The following LUC7L3 variants were observed in gnomAD, a reference collection of about 807,000 sequenced individuals.
The protein encoded by LUC7L3 is LUC7 like 3 pre-mRNA splicing factor.
LUC7L3 carries 6 observed loss-of-function variants against 66.8 expected under a neutral mutation model. The observed-to-expected ratio is 0.09, with a 90% confidence interval of 0.05 to 0.18. LUC7L3 has a LOEUF of 0.18. Among genes scored for constraint, LUC7L3 ranks in the 10% least tolerant of loss-of-function variants. LUC7L3 has a pLI of 1.00. For synonymous variants in LUC7L3, 160 were observed against 174.7 expected (o/e 0.92, Z 0.66); for missense variants, 341 against 531.1 (o/e 0.64, Z 3.52).
At chr17:50,723,600 T>A (rs1968939162) in intron 1 of LUC7L3, 1 of 158,922 alleles carries the variant, frequency 6.3e-6, no homozygotes. Context: ...CATAGTAACT[T>A]ACTATGTTAC....
Position 50,735,703 on chromosome 17 carries a change from G to T in LUC7L3, c.100-1257G>T, listed in dbSNP as rs1969939547. Among the ~76,000 whole-genome samples, 4 of 151,958 alleles carry T rather than the reference G, an allele frequency of 2.6e-5. No homozygotes were observed. In the South Asian group the frequency reaches 8.3e-4, roughly 32 times the overall value. ...TATAGACATGGGGTTTTGCCATGTTGCCCAAGCCGGTCTCAAATTCCTGGG... is the reference window on the plus strand; with the variant it reads ...TATAGACATGGGGTTTTGCCATGTTTCCCAAGCCGGTCTCAAATTCCTGGG... On this transcript the variant is annotated intron_variant, in intron 1 of 9. Transcript: ENST00000505658.
chr17:50,724,062 G>C lies in LUC7L3; in HGVS notation c.99+4231G>C, dbSNP rs1227678800. The C allele has an allele frequency of 7.3e-6, 3 of 411,004 alleles. No individual in the cohort carries two copies. In the East Asian group the frequency reaches 2.4e-4, roughly 32 times the overall value. The allele number at this position is 411,004 out of a possible 1,614,324, so 25.5% of individuals were successfully genotyped here. A position where few individuals can be genotyped will look rare whatever the true frequency, so the allele number is the denominator to read the frequency against. On this transcript the variant is annotated intron_variant, in intron 1 of 9. Transcript: ENST00000505658. Reference sequence around the variant, plus strand: ...TTCCCAAAACATACAGAATTAGAGTGAATAGTATAATAAATTGAACTCCCC... The same window carrying C: ...TTCCCAAAACATACAGAATTAGAGTCAATAGTATAATAAATTGAACTCCCC...
At chr17:50,744,524 T>G in intron 6 of LUC7L3, 128 bp from the exon 7 acceptor site, 1 of 824,692 alleles carries the variant, frequency 1.2e-6, no homozygotes, top group Non-Finnish European at 1.8e-6. Flanking sequence ...TAGTCCAATA[T>G]TACTGATTTG....
At position 50,752,290 on chromosome 17, in the gene LUC7L3, G is replaced by T; in HGVS notation, c.*1629G>T. ...AAATGAGGTGAAAGAAAGCTATAGT[G>T]GCATAGAAAAAGTATAAAGCTCAGT... On this transcript the variant is annotated 3_prime_UTR_variant, in exon 10 of 10. Coordinates refer to ENST00000505658, the MANE Select transcript of LUC7L3 (RefSeq NM_016424.5). 1 of 1,123,250 alleles carries T rather than the reference G, an allele frequency of 8.9e-7. No individual in the cohort carries two copies. The highest frequency in any genetic ancestry group is 1.2e-6 in the Non-Finnish European group (1 of 858,272). The allele number at this position is 1,123,250 out of a possible 1,614,324, so 69.6% of individuals were successfully genotyped here.
intron 9 of LUC7L3, among the ~76,000 whole-genome samples, chr17:50,748,003 TTAAGAGCCAGG>T (rs1255183499): frequency 6.6e-6 from 1 of 152,232 alleles, no homozygotes; most frequent in Non-Finnish European, 1.5e-5. Context: ...AGGTCAACTC[TTAAGAGCCAGG>T]TATGACTGTC....
chr17:50,738,456 AAGAG>A (rs1417695689), intron 2 of LUC7L3, among the ~76,000 whole-genome samples: 1 of 152,248 alleles, frequency 6.6e-6, no homozygotes, highest in Non-Finnish European at 1.5e-5. Context: ...GGGAAAGCAG[AAGAG>A]AGATTCTTCA....
At chr17:50,741,768 GAAAC>G in intron 5 of LUC7L3, 37 bp downstream of exon 5, 1 of 1,504,132 alleles carries the variant, frequency 6.6e-7, no homozygotes, top group Non-Finnish European at 9.3e-7. Context: ...GAAGTAATGT[GAAAC>G]AGACATGTAA....
At position 50,732,713 on chromosome 17, in the gene LUC7L3, A is replaced by G. The variant is rs563393288; in HGVS notation, c.100-4247A>G. 6.6e-5 allele frequency among the ~76,000 whole-genome samples: 10 copies of G among 152,186 alleles called. 1 individual carries two copies. In the South Asian group the frequency reaches 2.1e-3, roughly 32 times the overall value. On this transcript the variant is annotated intron_variant, in intron 1 of 9. Transcript: ENST00000505658. The stretch of plus-strand genomic sequence containing the variant: ...CTTTTTTAATACTATGAAGAAACCA[A>G]GGCAGAATTACGACCTCTGGTTCTT...
In LUC7L3 at chr17:50,752,272, G is replaced by T. The variant is rs765765553; in HGVS notation, c.*1611G>T. On this transcript the variant is annotated 3_prime_UTR_variant, in exon 10 of 10. Transcript: ENST00000505658. The stretch of plus-strand genomic sequence containing the variant: ...TGAAGATCGACATTTAAAAAATGAG[G>T]TGAAAGAAAGCTATAGTGGCATAGA... 3 of 1,238,396 alleles carry T rather than the reference G, an allele frequency of 2.4e-6. No homozygotes were observed. In the African/African-American group the frequency reaches 4.7e-5, roughly 19 times the overall value. 76.7% of individuals were successfully genotyped at this position (1,238,396 alleles called of 1,614,324 possible). A position where few individuals can be genotyped will look rare whatever the true frequency, so the allele number is the denominator to read the frequency against.
At chr17:50,738,181 T>G in intron 2 of LUC7L3, 1 of 455,778 alleles carries the variant, frequency 2.2e-6, no homozygotes. Context: ...GAACAGTTCC[T>G]GAGAAGTGAT....
In LUC7L3 at chr17:50,755,918, A is replaced by G. The variant is rs568034554; in HGVS notation, c.*5257A>G. 2.0e-5 allele frequency: 3 copies of G among 152,366 alleles called. No individual in the cohort carries two copies. Among genetic ancestry groups the G allele is most frequent in the Non-Finnish European group, 2.9e-5 (2 of 68,044 alleles). The allele number at this position is 152,366 out of a possible 1,614,324, so 9.4% of individuals were successfully genotyped here. On this transcript the variant is annotated 3_prime_UTR_variant, in exon 10 of 10. Transcript: ENST00000505658. ...AGCTGTGTATGTGAACATGGACAAA[A>G]CTCAACAATAGAAGGATCAAAAAAA...
At chr17:50,740,490 T>C (rs1970281629) in intron 3 of LUC7L3, 145 bp downstream of exon 3, 1 of 704,804 alleles carries the variant, frequency 1.4e-6, no homozygotes, top group Non-Finnish European at 2.4e-6. Context: ...GAAAGTTCTA[T>C]AGCTTCAGTA....
chr17:50,744,302 C>T (rs1370952892), intron 6 of LUC7L3, among the ~76,000 whole-genome samples: 1 of 152,088 alleles, frequency 6.6e-6, no homozygotes, highest in East Asian at 1.9e-4. Context: ...GTGCTTAGTT[C>T]CTTAATTAGT....
intron 7 of LUC7L3, 62 bp downstream of exon 7, chr17:50,744,875 G>A (rs748031977): frequency 1.7e-5 from 24 of 1,400,382 alleles, no homozygotes; most frequent in African/African-American, 4.3e-5. Flanking sequence ...GCAGTGACGC[G>A]ATCTCAGCTC....
intron 1 of LUC7L3, among the ~76,000 whole-genome samples, chr17:50,728,710 T>C (rs751410160): frequency 2.8e-4 from 43 of 152,112 alleles, no homozygotes; most frequent in Non-Finnish European, 5.7e-4. Flanking sequence ...TGTGCCTCCA[T>C]GCTTGGCTAA....
In LUC7L3 at chr17:50,741,638, G is replaced by A. The variant is rs368540305; in HGVS notation, c.352-19G>A. 1,079 of 1,577,944 alleles carry A rather than the reference G, an allele frequency of 6.8e-4. 1 individual carries two copies. The highest frequency in any genetic ancestry group is 9.1e-4 in the Non-Finnish European group (1,049 of 1,148,052). On this transcript the variant is annotated intron_variant, in intron 4 of 9. Transcript: ENST00000505658. ...TTTGTTTTCAACTTGTTGGTAATAC[G>A]TTTTATTGTCTTCAATAGGCCGCTG...
rs901717372 is a variant in LUC7L3 at position 50,754,142 on chromosome 17, A to G, written c.*3481A>G. 1.3e-5 allele frequency: 2 copies of G among 152,138 alleles called. No homozygotes were observed. Among genetic ancestry groups the G allele is most frequent in the African/African-American group, 2.4e-5 (1 of 41,426 alleles). 9.4% of individuals were successfully genotyped at this position (152,138 alleles called of 1,614,324 possible). A position where few individuals can be genotyped will look rare whatever the true frequency, so the allele number is the denominator to read the frequency against. On this transcript the variant is annotated 3_prime_UTR_variant, in exon 10 of 10. Transcript: ENST00000505658. Reference sequence around the variant, plus strand: ...ACCAAAAAGTTATTAGTTGGTGAATATGTATTTTCTCTTTGGAAGGTCTTT... The same window carrying G: ...ACCAAAAAGTTATTAGTTGGTGAATGTGTATTTTCTCTTTGGAAGGTCTTT...
At chr17:50,721,597 T>C (rs1968769491) in intron 1 of LUC7L3, among the ~76,000 whole-genome samples, 1 of 152,236 alleles carries the variant, frequency 6.6e-6, no homozygotes, top group South Asian at 2.1e-4. Flanking sequence ...CAGATTGATA[T>C]CTGCAGGGAA....
At chr17:50,731,863 AAAT>A (rs1453987725) in intron 1 of LUC7L3, among the ~76,000 whole-genome samples, 1 of 152,178 alleles carries the variant, frequency 6.6e-6, no homozygotes, top group Non-Finnish European at 1.5e-5. Flanking sequence ...AAAACATTTA[AAAT>A]AATAATGTGC....
Sources: gnomAD v4.1 joint callset for allele counts (sites outside exome capture counted in the v4.1 genomes callset) on GRCh38, gnomAD v4.1.1 for gene constraint, MANE v1.5 for transcripts, NCBI Gene and HGNC (gene_info 2026-07-23, HGNC 2026-07-21) for gene names.